Variants in ALG12 observed in about 807,000 individuals in gnomAD.
ALG12 encodes the protein dol-P-Man:Man(7)GlcNAc(2)-PP-Dol alpha-1,6-mannosyltransferase.
A neutral mutation model predicts 46.0 loss-of-function variants in ALG12; 36 were observed. That is an observed-to-expected ratio of 0.78 (90% CI 0.60 to 1.03). The LOEUF (loss-of-function observed/expected upper bound fraction) is 1.03, where lower values mean the gene tolerates loss of function less well. ALG12 is among the 50% of genes least tolerant of loss of function. The probability of loss-of-function intolerance (pLI) is 0.00; values close to 1 mark genes in which losing one functional copy is unlikely to be tolerated. For missense variants in ALG12, 599 were observed against 633.5 expected (o/e 0.95, Z 0.58); for synonymous variants, 326 against 291.6 (o/e 1.12, Z -1.20).
At chr22:49,872,888 A>G in the ALG12 span, among the ~76,000 whole-genome samples, 2 of 152,064 alleles carry the variant, frequency 1.3e-5, no homozygotes, top group African/African-American at 2.4e-5. Context: ...TAGTAGAGAC[A>G]GGTTTCACCA....
Position 49,902,346 on chromosome 22 carries a change from TGG to T in ALG12, c.*1490_*1491del. The T allele has an allele frequency of 8.4e-6, 1 of 118,448 alleles. No homozygotes were observed. The highest frequency in any genetic ancestry group is 2.6e-4 in the East Asian group (1 of 3,894). The allele number at this position is 118,448 out of a possible 1,614,324, so 7.3% of individuals were successfully genotyped here. A position where few individuals can be genotyped will look rare whatever the true frequency, so the allele number is the denominator to read the frequency against. ...GTAATGTGCACGTGTGCACTGTGTG[TGG>T]TGTGTATGCATGGTGTGTGCACGTG... is the stretch of plus-strand genomic sequence containing the variant. On this transcript the variant is annotated 3_prime_UTR_variant, in exon 10 of 10. Coordinates refer to ENST00000330817, the MANE Select transcript of ALG12 (RefSeq NM_024105.4).
intron 1 of ALG12, among the ~76,000 whole-genome samples, chr22:49,917,042 C>A (rs1222949486): frequency 6.6e-6 from 1 of 152,230 alleles, no homozygotes; most frequent in African/African-American, 2.4e-5. Context: ...AGCTCACTTT[C>A]GAGGGCATGA....
rs1055630910 is a variant in ALG12, at chr22:49,903,382, C to T, written c.*456G>A. 4.4e-6 allele frequency: 2 copies of T among 456,244 alleles called. No individual in the cohort carries two copies. The highest frequency in any genetic ancestry group is 3.1e-5 in the South Asian group (2 of 64,196). 28.3% of individuals were successfully genotyped at this position (456,244 alleles called of 1,614,324 possible). On this transcript the variant is annotated 3_prime_UTR_variant, in exon 10 of 10. Coordinates refer to ENST00000330817, the MANE Select transcript of ALG12 (RefSeq NM_024105.4). ...GGGGTGCGGCCGGGGCCACCATGGT[C>T]TCCCCTGAGAGGGGGTGCTGTCTTA...
chr22:49,893,176 A>T, the ALG12 span, among the ~76,000 whole-genome samples: 4 of 152,248 alleles, frequency 2.6e-5, no homozygotes, highest in African/African-American at 9.6e-5. Context: ...TGAGAGACAC[A>T]GCGCAAGAGA....
chr22:49,860,813 C>G, the ALG12 span, among the ~76,000 whole-genome samples: 2 of 147,382 alleles, frequency 1.4e-5, no homozygotes, highest in Admixed American at 1.4e-4. Flanking sequence ...GAGTCTTGCT[C>G]TGTTGCCCAG....
the ALG12 span, among the ~76,000 whole-genome samples, chr22:49,865,719 T>C: frequency 6.6e-6 from 1 of 152,120 alleles, no homozygotes. Flanking sequence ...TGTGTTTTGG[T>C]TGAGGTTTGC....
chr22:49,897,671 T>TG (rs2060488808), downstream of ALG12, among the ~76,000 whole-genome samples: 1 of 145,642 alleles, frequency 6.9e-6, no homozygotes, highest in Non-Finnish European at 1.5e-5. Context: ...TTCTTTTTTT[T>TG]TTTTTTTTTT....
chr22:49,897,504 A>C (rs2060487796), downstream of ALG12, among the ~76,000 whole-genome samples: 1 of 152,010 alleles, frequency 6.6e-6, no homozygotes, highest in Non-Finnish European at 1.5e-5. Flanking sequence ...TCCATTTTGG[A>C]TTTTGGCCAT....
At chr22:49,889,343 TA>T in the ALG12 span, 4 of 167,088 alleles carry the variant, frequency 2.4e-5, no homozygotes, top group African/African-American at 9.6e-5. Context: ...GAGAACTGAA[TA>T]GTTGTGACAG....
rs2147575657 is a variant in ALG12 at position 49,902,196 on chromosome 22, GTGTGCACA to G, written c.*1634_*1641del. On this transcript the variant is annotated 3_prime_UTR_variant, in exon 10 of 10. Transcript: ENST00000330817. The stretch of plus-strand genomic sequence containing the variant: ...ACTGTGTGTGGTGTGTATGCATGGT[GTGTGCACA>G]TGTGCACTGTGTGGTGTGTATGCAT... 1 of 146,860 alleles carries G rather than the reference GTGTGCACA, an allele frequency of 6.8e-6. No homozygotes were observed. The highest frequency in any genetic ancestry group is 2.1e-4 in the South Asian group (1 of 4,688). 9.1% of individuals were successfully genotyped at this position (146,860 alleles called of 1,614,324 possible).
chr22:49,908,200 G>A (rs999252622), intron 6 of ALG12, among the ~76,000 whole-genome samples: 2 of 152,208 alleles, frequency 1.3e-5, no homozygotes, highest in African/African-American at 4.8e-5. Context: ...AGGGCCACAG[G>A]ACGTTCGGTC....
chr22:49,878,406 C>G, the ALG12 span, among the ~76,000 whole-genome samples: 1 of 151,770 alleles, frequency 6.6e-6, no homozygotes, highest in East Asian at 1.9e-4. Context: ...GTATAAACAC[C>G]GAAGAAGAGA....
At chr22:49,882,667 C>T in the ALG12 span, among the ~76,000 whole-genome samples, 8 of 152,182 alleles carry the variant, frequency 5.3e-5, no homozygotes, top group Admixed American at 1.3e-4. Context: ...TCACTTCCAG[C>T]GTTTACCATA....
the ALG12 span, among the ~76,000 whole-genome samples, chr22:49,882,285 C>T: frequency 1.3e-5 from 2 of 152,182 alleles, no homozygotes; most frequent in Non-Finnish European, 2.9e-5. Context: ...GGCGCATTGG[C>T]TCGCGCATAT....
At chr22:49,885,610 G>A in the ALG12 span, 27 of 1,610,080 alleles carry the variant, frequency 1.7e-5, no homozygotes, top group Non-Finnish European at 2.0e-5. Context: ...GAAGTTTTAC[G>A]ATTCTCACCC....
the ALG12 span, among the ~76,000 whole-genome samples, chr22:49,890,922 C>T: frequency 5.9e-5 from 9 of 151,848 alleles, no homozygotes; most frequent in African/African-American, 1.7e-4. Flanking sequence ...TCCAGCTACT[C>T]GGAAGGCTGA....
the ALG12 span, chr22:49,884,196 C>T: frequency 7.2e-5 from 116 of 1,607,562 alleles, no homozygotes; most frequent in Admixed American, 1.0e-4. Context: ...GTGTGTCTGC[C>T]GTGTCCTCGT....
the ALG12 span, among the ~76,000 whole-genome samples, chr22:49,881,071 C>T: frequency 5.2e-3 from 786 of 152,334 alleles, 3 homozygotes; most frequent in African/African-American, 0.018. Flanking sequence ...TCTGGCCAGG[C>T]GCAGTGGCTC....
chr22:49,892,476 T>G, the ALG12 span, among the ~76,000 whole-genome samples: 1 of 152,246 alleles, frequency 6.6e-6, no homozygotes, highest in Non-Finnish European at 1.5e-5. Context: ...ATTCCCAGTG[T>G]GCAGCTTCCC....
Sources: allele counts gnomAD v4.1 joint callset (sites outside exome capture counted in the v4.1 genomes callset), GRCh38; gene constraint gnomAD v4.1.1; transcripts MANE v1.5; gene names NCBI Gene and HGNC (gene_info 2026-07-23, HGNC 2026-07-21).